MLLT3: variants seen among roughly 807,000 people sequenced by gnomAD.
The protein encoded by MLLT3 is protein AF-9.
Under a neutral mutation model 53.2 loss-of-function variants are expected in MLLT3, and 4 were observed. The observed-to-expected ratio is 0.08, with a 90% CI of 0.04 to 0.17. The LOEUF (loss-of-function observed/expected upper bound fraction) is 0.17. Ranked by LOEUF, MLLT3 falls within the 10% of genes least tolerant of loss-of-function variation. The pLI, the probability that MLLT3 is intolerant of heterozygous loss-of-function variation, is 1.00. For synonymous variants in MLLT3, 283 were observed against 230.6 expected (o/e 1.23, Z -2.06); for missense variants, 569 against 684.0 (o/e 0.83, Z 1.87).
chr9:20,606,466 G>A (rs1258678230), intron 2 of MLLT3, among the ~76,000 whole-genome samples: 1 of 152,054 alleles, frequency 6.6e-6, no homozygotes, highest in East Asian at 1.9e-4. Context: ...AGTAATAAGT[G>A]CTCAATTTCA....
At chr9:20,479,889 G>A (rs1228988168) in intron 2 of MLLT3, among the ~76,000 whole-genome samples, 1 of 152,100 alleles carries the variant, frequency 6.6e-6, no homozygotes, top group Non-Finnish European at 1.5e-5. Context: ...CAATGCCATG[G>A]TATATGTGAT....
chr9:20,568,632 G>A (rs1219533662), intron 2 of MLLT3, among the ~76,000 whole-genome samples: 1 of 152,166 alleles, frequency 6.6e-6, no homozygotes, highest in Non-Finnish European at 1.5e-5. Context: ...AAAGTTTCCA[G>A]TGAGGATGTA....
intron 5 of MLLT3, among the ~76,000 whole-genome samples, chr9:20,408,961 G>A (rs530732363): frequency 2.6e-5 from 4 of 152,164 alleles, no homozygotes; most frequent in East Asian, 1.9e-4. Context: ...CCACCCTTGG[G>A]AAAAATGCTG....
intron 2 of MLLT3, among the ~76,000 whole-genome samples, chr9:20,576,801 A>T (rs78641849): frequency 6.6e-6 from 1 of 152,164 alleles, no homozygotes; most frequent in East Asian, 1.9e-4. Flanking sequence ...TGGAGCAAAT[A>T]GATTTGCTCA....
intron 8 of MLLT3, among the ~76,000 whole-genome samples, chr9:20,357,419 G>A (rs951280315): frequency 7.2e-5 from 11 of 152,226 alleles, no homozygotes; most frequent in African/African-American, 2.2e-4. Context: ...TACCTAGACT[G>A]CCTAGCTACT....
intron 2 of MLLT3, among the ~76,000 whole-genome samples, chr9:20,539,064 A>G (rs1818558417): frequency 6.6e-6 from 1 of 152,256 alleles, no homozygotes; most frequent in Admixed American, 6.5e-5. Flanking sequence ...GTTGATTGCT[A>G]CCAACTGATC....
rs995047188 is a variant in MLLT3, at chr9:20,344,265, G to A, written c.*2178C>T. ...ATCATATTTTTTGCCCCACAATTTA[G>A]TTACAGAAATAAAAATGGCCCAAAC... On this transcript the variant is annotated 3_prime_UTR_variant, in exon 11 of 11. Coordinates refer to ENST00000380338, the MANE Select transcript of MLLT3 (RefSeq NM_004529.4). 5.0e-6 allele frequency: 1 copy of A among 198,794 alleles called. No homozygotes were observed. Among genetic ancestry groups the A allele is most frequent in the Non-Finnish European group, 1.0e-5 (1 of 96,376 alleles). 12.3% of individuals were successfully genotyped at this position (198,794 alleles called of 1,614,324 possible). A position where few individuals can be genotyped will look rare whatever the true frequency, so the allele number is the denominator to read the frequency against.
In MLLT3 at chr9:20,443,614, T is replaced by C. The variant is rs183727811; in HGVS notation, c.420+4509A>G. ...CTATCAATGCGCTGGTTACACTAAC[T>C]TGGTGGTAAACATGTTTTCCTGTGA... On this transcript the variant is annotated intron_variant, in intron 4 of 10. Coordinates refer to ENST00000380338, the MANE Select transcript of MLLT3 (RefSeq NM_004529.4). 1.6e-4 allele frequency among the ~76,000 whole-genome samples: 25 copies of C among 152,318 alleles called. No individual in the cohort carries two copies. The East Asian group carries it at 3.5e-3, about 21-fold the overall frequency.
At chr9:20,395,231 T>C (rs946720244) in intron 5 of MLLT3, among the ~76,000 whole-genome samples, 2 of 152,200 alleles carry the variant, frequency 1.3e-5, no homozygotes, top group Non-Finnish European at 2.9e-5. Flanking sequence ...TCCAACTCCA[T>C]ACTGGGTATT....
At chr9:20,555,770 G>A (rs1167789725) in intron 2 of MLLT3, among the ~76,000 whole-genome samples, 1 of 152,312 alleles carries the variant, frequency 6.6e-6, no homozygotes, top group Admixed American at 6.5e-5. Context: ...CCCACTAGAA[G>A]CAAACTGGTC....
At chr9:20,546,581 A>G (rs966125756) in intron 2 of MLLT3, among the ~76,000 whole-genome samples, 1 of 151,748 alleles carries the variant, frequency 6.6e-6, no homozygotes, top group Non-Finnish European at 1.5e-5. Context: ...ATGGTAGACG[A>G]ACCTGTGTAT....
intron 10 of MLLT3, among the ~76,000 whole-genome samples, chr9:20,347,308 G>T (rs1341036655): frequency 1.3e-5 from 2 of 152,072 alleles, no homozygotes; most frequent in Non-Finnish European, 2.9e-5. Context: ...TTTTAGTTGT[G>T]TTCACTTGAT....
At chr9:20,392,187 C>A (rs1351433314) in intron 5 of MLLT3, among the ~76,000 whole-genome samples, 1 of 152,108 alleles carries the variant, frequency 6.6e-6, no homozygotes, top group African/African-American at 2.4e-5. Flanking sequence ...GCACTACTTC[C>A]AAAATAAAGA....
chr9:20,553,069 T>C (rs898440779), intron 2 of MLLT3, among the ~76,000 whole-genome samples: 3 of 152,230 alleles, frequency 2.0e-5, no homozygotes, highest in Non-Finnish European at 4.4e-5. Flanking sequence ...TCTTTTATTA[T>C]GAGTAATAGG....
intron 4 of MLLT3, among the ~76,000 whole-genome samples, chr9:20,435,373 G>A (rs543400454): frequency 7.4e-4 from 113 of 152,182 alleles, no homozygotes; most frequent in South Asian, 2.1e-3. Context: ...AACTGAGGTA[G>A]ATTATTCCAA....
intron 4 of MLLT3, among the ~76,000 whole-genome samples, chr9:20,420,016 T>C (rs1822967289): frequency 6.6e-6 from 1 of 152,126 alleles, no homozygotes; most frequent in Admixed American, 6.6e-5. Context: ...GAAAGAGGAT[T>C]AGGGTGTCAA....
intron 2 of MLLT3, among the ~76,000 whole-genome samples, chr9:20,544,416 G>C (rs1364112924): frequency 1.3e-5 from 2 of 152,158 alleles, no homozygotes; most frequent in African/African-American, 4.8e-5. Flanking sequence ...TTTGATAAGA[G>C]GTTGAACAGG....
chr9:20,438,307 G>C (rs899692193), intron 4 of MLLT3, among the ~76,000 whole-genome samples: 1 of 152,184 alleles, frequency 6.6e-6, no homozygotes, highest in Non-Finnish European at 1.5e-5. Flanking sequence ...CCCTGCATAG[G>C]AAGTGTGGCC....
chr9:20,491,139 AAAC>A (rs1352031068), intron 2 of MLLT3, among the ~76,000 whole-genome samples: 2 of 152,154 alleles, frequency 1.3e-5, no homozygotes, highest in Non-Finnish European at 2.9e-5. Flanking sequence ...CCAACAGGAA[AAAC>A]AATATTACTA....
Sources: allele counts gnomAD v4.1 joint callset (sites outside exome capture counted in the v4.1 genomes callset), GRCh38; gene constraint gnomAD v4.1.1; transcripts MANE v1.5; gene names NCBI Gene and HGNC (gene_info 2026-07-23, HGNC 2026-07-21).